The following OR9Q1 variants were observed in gnomAD, a reference collection of about 807,000 sequenced individuals.
The protein encoded by OR9Q1 is olfactory receptor family 9 subfamily Q member 1.
For missense variants in OR9Q1, 374 were observed against 378.8 expected (o/e 0.99, Z 0.11); for synonymous variants, 153 against 148.6 (o/e 1.03, Z -0.22).
chr11:58,117,375 C>G (rs1853966445), intron 2 of OR9Q1: 1 of 152,120 alleles, frequency 6.6e-6, no homozygotes, highest in African/African-American at 2.4e-5. Context: ...TCCGAGTACT[C>G]TTTGACTCAT....
At chr11:58,171,683 G>A (rs1854556759) in intron 2 of OR9Q1, 1 of 152,180 alleles carries the variant, frequency 6.6e-6, no homozygotes, top group African/African-American at 2.4e-5. Flanking sequence ...AAAGGCAAAG[G>A]AGGCCCTGAG....
At chr11:58,119,796 G>A (rs990377538) in intron 2 of OR9Q1, among the ~76,000 whole-genome samples, 2 of 151,366 alleles carry the variant, frequency 1.3e-5, no homozygotes, top group African/African-American at 4.9e-5. Context: ...CCCACCACAC[G>A]GTCACTCAGT....
chr11:58,171,861 G>T (rs1488779228), intron 2 of OR9Q1: 1 of 152,182 alleles, frequency 6.6e-6, no homozygotes, highest in African/African-American at 2.4e-5. Flanking sequence ...TTTCCAGCCA[G>T]AAGTTTTCCA....
intron 2 of OR9Q1, among the ~76,000 whole-genome samples, chr11:58,106,487 G>T (rs1853841712): frequency 6.6e-6 from 1 of 152,000 alleles, no homozygotes; most frequent in African/African-American, 2.4e-5. Flanking sequence ...CTGTGCTGAA[G>T]GTATTTGGTT....
At chr11:58,031,581 TGC>T in intron 1 of OR9Q1, 1 of 1,614,108 alleles carries the variant, frequency 6.2e-7, no homozygotes, top group African/African-American at 1.3e-5. Flanking sequence ...TCTCTGGCTG[TGC>T]TACTGGCCTC....
chr11:58,058,254 T>C (rs2119988595), intron 2 of OR9Q1, among the ~76,000 whole-genome samples: 1 of 152,274 alleles, frequency 6.6e-6, no homozygotes, highest in African/African-American at 2.4e-5. Flanking sequence ...GTAGGCTTGG[T>C]AAGTGGCAGT....
chr11:58,113,284 A>T (rs142718559), intron 2 of OR9Q1, among the ~76,000 whole-genome samples: 1 of 152,342 alleles, frequency 6.6e-6, no homozygotes, highest in East Asian at 1.9e-4. Flanking sequence ...ACTTTCACCC[A>T]GTAAGTCAGA....
At chr11:58,098,888 A>C (rs534595517) in intron 2 of OR9Q1, among the ~76,000 whole-genome samples, 145 of 152,092 alleles carry the variant, frequency 9.5e-4, no homozygotes, top group Non-Finnish European at 1.5e-3. Context: ...ATTAAGTTTC[A>C]TGTTTATTTC....
rs1010598173 is a variant in OR9Q1, at chr11:58,062,681, T to C, written c.-15+6734T>C. On this transcript the variant is annotated intron_variant, in intron 2 of 2. Transcript: ENST00000335397. ...AAGCAGCCTGCAGGCATGGGGATTG[T>C]ACTAATTTCATGCACTTCAGCTTTT... Among the ~76,000 whole-genome samples the C allele has an allele frequency of 2.6e-5, 4 of 152,224 alleles. No homozygotes were observed. In the South Asian group the frequency reaches 8.3e-4, roughly 32 times the overall value.
chr11:58,165,306 T>C (rs1352376801), intron 2 of OR9Q1, among the ~76,000 whole-genome samples: 1 of 152,188 alleles, frequency 6.6e-6, no homozygotes, highest in Non-Finnish European at 1.5e-5. Flanking sequence ...GAAAGATAAA[T>C]TGTGTTTCTT....
chr11:58,093,482 A>G (rs1782151290), intron 2 of OR9Q1, among the ~76,000 whole-genome samples: 1 of 152,152 alleles, frequency 6.6e-6, no homozygotes, highest in African/African-American at 2.4e-5. Context: ...ATTGTCTCAT[A>G]CCAGTCTGAA....
chr11:58,054,263 A>G (rs895812088), intron 1 of OR9Q1, among the ~76,000 whole-genome samples: 1 of 152,134 alleles, frequency 6.6e-6, no homozygotes, highest in Non-Finnish European at 1.5e-5. Context: ...ATTGGCTTTG[A>G]TTTTGTAATT....
Position 58,046,258 on chromosome 11 carries a change from T to C in OR9Q1, c.-92-9612T>C, listed in dbSNP as rs1012631941. 5.3e-5 allele frequency among the ~76,000 whole-genome samples: 8 copies of C among 149,642 alleles called. No homozygotes were observed. In the South Asian group the frequency reaches 1.8e-3, roughly 33 times the overall value. On this transcript the variant is annotated intron_variant, in intron 1 of 2. Transcript: ENST00000335397. ...CTGGAACTCTATTCTGCTTCCTTGT[T>C]CATAAGCAACTTTGTTCCCTCCTCT...
intron 2 of OR9Q1, among the ~76,000 whole-genome samples, chr11:58,056,893 G>T (rs1853333696): frequency 6.6e-6 from 1 of 151,716 alleles, no homozygotes; most frequent in Non-Finnish European, 1.5e-5. Flanking sequence ...GGCACCTAAG[G>T]CTCCCTGTAG....
At chr11:58,133,057 C>T (rs530228672) in intron 2 of OR9Q1, among the ~76,000 whole-genome samples, 26 of 152,276 alleles carry the variant, frequency 1.7e-4, no homozygotes, top group East Asian at 7.7e-4. Flanking sequence ...ATTCTACCTG[C>T]GCTCAGCCCA....
chr11:58,106,732 CCA>C (rs1212527402), intron 2 of OR9Q1, among the ~76,000 whole-genome samples: 9 of 152,226 alleles, frequency 5.9e-5, no homozygotes, highest in African/African-American at 2.2e-4. Context: ...TTTCTTAACA[CCA>C]GTTATCGAAG....
intron 2 of OR9Q1, chr11:58,078,708 T>C (rs1853562332): frequency 6.6e-6 from 1 of 152,234 alleles, no homozygotes; most frequent in South Asian, 2.1e-4. Context: ...GAGGATGTCC[T>C]AGGCATATCT....
intron 2 of OR9Q1, among the ~76,000 whole-genome samples, chr11:58,131,891 A>G (rs1854144865): frequency 6.6e-6 from 1 of 152,194 alleles, no homozygotes; most frequent in Admixed American, 6.5e-5. Flanking sequence ...AGGGAACAGT[A>G]TAAAAAGGCA....
At chr11:58,167,833 A>C (rs1320304814) in intron 2 of OR9Q1, among the ~76,000 whole-genome samples, 15 of 152,208 alleles carry the variant, frequency 9.9e-5, no homozygotes, top group Admixed American at 9.8e-4. Flanking sequence ...AGAAGTGTGC[A>C]AGGTCTCTTG....
Sources: gnomAD v4.1 joint callset for allele counts (sites outside exome capture counted in the v4.1 genomes callset) on GRCh38, gnomAD v4.1.1 for gene constraint, MANE v1.5 for transcripts, NCBI Gene and HGNC (gene_info 2026-07-23, HGNC 2026-07-21) for gene names.